CLCN5: variants seen among roughly 807,000 people sequenced by gnomAD.
CLCN5 encodes the protein H(+)/Cl(-) exchange transporter 5.
Under a neutral mutation model 54.0 loss-of-function variants are expected in CLCN5, and 17 were observed. The observed-to-expected ratio is 0.31, with a 90% confidence interval of 0.22 to 0.47. The LOEUF is 0.47. Among genes scored for constraint, CLCN5 ranks in the 20% least tolerant of loss-of-function variants. The pLI is 1.00. For synonymous variants in CLCN5, 222 were observed against 233.0 expected (o/e 0.95, Z 0.43); for missense variants, 448 against 646.7 (o/e 0.69, Z 3.33).
At chrX:50,003,912 T>G (rs1381179505) in intron 3 of CLCN5, among the ~76,000 whole-genome samples, 1 of 111,891 alleles carries the variant, frequency 8.9e-6, no homozygotes, top group African/African-American at 3.2e-5. Flanking sequence ...AAAGGGAGTC[T>G]TCTAGCTAAT....
rs782697295 is a variant in CLCN5, at chrX:50,090,261, C to T, written c.1890C>T (p.Ala630=). 9 of 1,211,396 alleles carry T rather than the reference C, an allele frequency of 7.4e-6. 1 individual carries two copies. The South Asian group carries it at 1.6e-4, about 21-fold the overall frequency. ...DALGREGIYD[A]HIRLNGYPFL... ...TTGGGCGGGAGGGCATCTATGATGC[C>T]CACATCCGTCTCAATGGATACCCCT... The change falls in exon 13 of 15, where the codon GCC becomes GCT. Residue 630 remains alanine (A), a synonymous_variant. Coordinates refer to ENST00000376091, the MANE Select transcript of CLCN5 (RefSeq NM_001127898.4).
intron 3 of CLCN5, among the ~76,000 whole-genome samples, chrX:49,952,100 T>A (rs150569035): frequency 0.016 from 1,741 of 112,083 alleles, 27 homozygotes; most frequent in Middle Eastern, 0.037. Context: ...CATCTTGAAA[T>A]TTAGATTTAA....
At chrX:49,934,495 G>A (rs1320323962) in intron 3 of CLCN5, among the ~76,000 whole-genome samples, 1 of 111,042 alleles carries the variant, frequency 9.0e-6, no homozygotes, top group Non-Finnish European at 1.9e-5. Context: ...CCATGGTCAG[G>A]CCAAAGAAGC....
chrX:49,993,321 A>G (rs1383971813), intron 3 of CLCN5, among the ~76,000 whole-genome samples: 1 of 112,074 alleles, frequency 8.9e-6, no homozygotes, highest in East Asian at 2.8e-4. Flanking sequence ...TAAGGGAAGT[A>G]TCTAGCTGGA....
intron 3 of CLCN5, chrX:50,014,756 T>C (rs1930700564): frequency 1.0e-5 from 3 of 294,805 alleles, no homozygotes; most frequent in Non-Finnish European, 1.9e-5. Flanking sequence ...TTTTGAGTGA[T>C]GGGTGTGTGT....
intron 10 of CLCN5, 127 bp downstream of exon 10, chrX:50,086,187 A>T: frequency 1.1e-6 from 1 of 879,058 alleles, no homozygotes; most frequent in Non-Finnish European, 1.7e-6. Flanking sequence ...GCTCTCCCCA[A>T]CTTGGTGCTT....
rs1209298771 is a variant in CLCN5 at position 49,922,702 on chromosome X, C to G, written c.-295C>G. 1 of 113,278 alleles carries G rather than the reference C, an allele frequency of 8.8e-6. No homozygotes were observed. The highest frequency in any genetic ancestry group is 1.9e-5 in the Non-Finnish European group (1 of 53,345). 9.3% of individuals were successfully genotyped at this position (113,278 alleles called of 1,213,427 possible). Reference sequence around the variant, plus strand: ...CTCTGCCGGCTACGTGGGGCGCTCACTCAACTTGGTGTCCTGGACGCCAGA... The same window carrying G: ...CTCTGCCGGCTACGTGGGGCGCTCAGTCAACTTGGTGTCCTGGACGCCAGA... On this transcript the variant is annotated 5_prime_UTR_variant, in exon 1 of 15. Transcript: ENST00000376091.
intron 3 of CLCN5, among the ~76,000 whole-genome samples, chrX:49,997,013 A>G (rs1306567550): frequency 9.0e-6 from 1 of 111,187 alleles, no homozygotes; most frequent in Non-Finnish European, 1.9e-5. Context: ...ACTCCAACTC[A>G]TCTTATCTAT....
Position 50,025,573 on chromosome X carries a change from C to T in CLCN5, c.17-16743C>T, listed in dbSNP as rs1157493163. ...TCTTCAACATGCCTTAACTTTCTGC[C>T]TTCCTTTTACACTCTTCGTTTTCGT... On this transcript the variant is annotated intron_variant, in intron 3 of 14. Transcript: ENST00000376091. Among the ~76,000 whole-genome samples the T allele has an allele frequency of 3.6e-5, 4 of 112,168 alleles. No homozygotes were observed. The East Asian group carries it at 1.1e-3, about 31-fold the overall frequency.
intron 7 of CLCN5, among the ~76,000 whole-genome samples, chrX:50,077,619 A>AGTGTGT (rs1226546566): frequency 1.1e-5 from 1 of 88,383 alleles, no homozygotes; most frequent in East Asian, 3.2e-4. Flanking sequence ...AGAGAGAGAG[A>AGTGTGT]GAGTGTGTGT....
intron 3 of CLCN5, among the ~76,000 whole-genome samples, chrX:50,030,958 A>G (rs1931668279): frequency 9.0e-6 from 1 of 111,430 alleles, no homozygotes; most frequent in African/African-American, 3.3e-5. Flanking sequence ...TGATCTTTAC[A>G]TTTCTAGTGT....
At chrX:50,038,660 A>G (rs1297725651) in intron 3 of CLCN5, among the ~76,000 whole-genome samples, 1 of 112,103 alleles carries the variant, frequency 8.9e-6, no homozygotes, top group Admixed American at 9.5e-5. Context: ...TATTCCTTCC[A>G]GCACTTTTCA....
At chrX:49,977,609 G>A (rs782631607) in intron 3 of CLCN5, among the ~76,000 whole-genome samples, 15 of 111,696 alleles carry the variant, frequency 1.3e-4, no homozygotes, top group Non-Finnish European at 2.6e-4. Context: ...TCTCTTATCA[G>A]ACTAATATGT....
intron 4 of CLCN5, among the ~76,000 whole-genome samples, chrX:50,063,520 G>T (rs1260776576): frequency 9.4e-6 from 1 of 106,589 alleles, no homozygotes; most frequent in Non-Finnish European, 1.9e-5. Context: ...ATAATCAATA[G>T]TTTACCAACC....
At chrX:50,043,150 T>C (rs1188236548) in intron 4 of CLCN5, among the ~76,000 whole-genome samples, 2 of 112,250 alleles carry the variant, frequency 1.8e-5, no homozygotes, top group East Asian at 5.6e-4. Context: ...TCGTTTCCTC[T>C]TTCTATAATT....
At chrX:50,043,570 G>A (rs7892074) in intron 4 of CLCN5, among the ~76,000 whole-genome samples, 13,336 of 110,644 alleles carry the variant, frequency 0.12, 1,970 homozygotes, top group African/African-American at 0.42. Flanking sequence ...AACCGTTTCA[G>A]TTTCTTTCTC....
intron 3 of CLCN5, among the ~76,000 whole-genome samples, chrX:49,976,263 G>A (rs1442729013): frequency 1.8e-5 from 2 of 112,336 alleles, no homozygotes; most frequent in Non-Finnish European, 3.8e-5. Context: ...ACCCTCCAGG[G>A]GATTATGATG....
At chrX:49,935,561 G>C (rs1180876713) in intron 3 of CLCN5, among the ~76,000 whole-genome samples, 1 of 111,765 alleles carries the variant, frequency 8.9e-6, no homozygotes, top group Non-Finnish European at 1.9e-5. Flanking sequence ...GTGAGTACTA[G>C]AAAAGTCAAG....
intron 3 of CLCN5, among the ~76,000 whole-genome samples, chrX:50,005,569 TTACTC>T (rs1930111327): frequency 8.9e-6 from 1 of 111,892 alleles, no homozygotes; most frequent in African/African-American, 3.3e-5. Context: ...GTTCACTAGC[TTACTC>T]TAAAGAGGAT....
Sources: allele counts gnomAD v4.1 joint callset (sites outside exome capture counted in the v4.1 genomes callset), GRCh38; gene constraint gnomAD v4.1.1; transcripts MANE v1.5; gene names NCBI Gene and HGNC (gene_info 2026-07-23, HGNC 2026-07-21).